Variants in CYS1 observed in about 807,000 individuals in gnomAD.
CYS1 encodes cystin 1, also known as cystin-1.
A neutral mutation model predicts 9.6 loss-of-function variants in CYS1; 5 were observed. The observed-to-expected ratio is 0.52, with a 90% CI of 0.27 to 1.10. The LOEUF (loss-of-function observed/expected upper bound fraction) is 1.10. Ranked by LOEUF, CYS1 falls within the 50% of genes least tolerant of loss-of-function variation. The pLI is 0.11. For synonymous variants in CYS1, 88 were observed against 95.7 expected (o/e 0.92, Z 0.47); for missense variants, 221 against 207.9 (o/e 1.06, Z -0.39).
At chr2:10,075,733 G>A (rs1479493488) in intron 1 of CYS1, among the ~76,000 whole-genome samples, 2 of 152,168 alleles carry the variant, frequency 1.3e-5, no homozygotes, top group Admixed American at 1.3e-4. Context: ...TCCAAAAATG[G>A]TGGATGACAG....
intron 1 of CYS1, among the ~76,000 whole-genome samples, chr2:10,074,285 T>C (rs375785532): frequency 7.9e-5 from 12 of 152,352 alleles, no homozygotes; most frequent in Admixed American, 5.2e-4. Flanking sequence ...AGGCCCATCC[T>C]GTTAATAGCA....
In CYS1 at chr2:10,056,961, C is replaced by T. The variant is rs1336307650; in HGVS notation, c.*1892G>A. On this transcript the variant is annotated 3_prime_UTR_variant, in exon 3 of 3. Coordinates refer to ENST00000381813, the MANE Select transcript of CYS1 (RefSeq NM_001037160.3). ...GTGACTTCTTAGCTTTGATGAAGTG[C>T]ATTTACTTTGACATTGATATAGCTT... 6.6e-6 allele frequency: 1 copy of T among 152,158 alleles called. No homozygotes were observed. 9.4% of individuals were successfully genotyped at this position (152,158 alleles called of 1,614,324 possible). A position where few individuals can be genotyped will look rare whatever the true frequency, so the allele number is the denominator to read the frequency against.
intron 1 of CYS1, among the ~76,000 whole-genome samples, chr2:10,068,126 C>T (rs1661720120): frequency 6.6e-6 from 1 of 152,144 alleles, no homozygotes; most frequent in African/African-American, 2.4e-5. Flanking sequence ...TAAACTTATA[C>T]CATTGATATC....
Position 10,080,209 on chromosome 2 carries a change from G to A in CYS1, c.15C>T (p.Ser5=). Residue 5 remains serine (S), a synonymous_variant, in exon 1 of 3, where the codon AGC becomes AGT. Coordinates refer to ENST00000381813, the MANE Select transcript of CYS1 (RefSeq NM_001037160.3). This position sits in a 1 kb window ranked among gnomAD's most constrained non-coding sequence, Gnocchi z 6.4. The part of the protein sequence containing the change: MGSG[S]SRSSRTLRRR... ...GCCTCAGAGTCCGGCTGCTCCGGCTGCTGCCGCTGCCCATGGCGCGCCCGC... is the reference window on the plus strand; with the variant it reads ...GCCTCAGAGTCCGGCTGCTCCGGCTACTGCCGCTGCCCATGGCGCGCCCGC... 9.4e-7 allele frequency: 1 copy of A among 1,060,838 alleles called. No homozygotes were observed. Among genetic ancestry groups the A allele is most frequent in the Non-Finnish European group, 1.1e-6 (1 of 882,452 alleles). The allele number at this position is 1,060,838 out of a possible 1,614,324, so 65.7% of individuals were successfully genotyped here.
chr2:10,078,650 AG>A (rs1432826468), intron 1 of CYS1, among the ~76,000 whole-genome samples: 2 of 152,208 alleles, frequency 1.3e-5, no homozygotes, highest in Non-Finnish European at 2.9e-5. Flanking sequence ...CCTTGGGATT[AG>A]CCGCTTTCTC....
At position 10,080,098 on chromosome 2, in the gene CYS1, C is replaced by G; in HGVS notation, c.126G>C (p.Ala42=). 5 of 1,027,358 alleles carry G rather than the reference C, an allele frequency of 4.9e-6. No individual in the cohort carries two copies. In the South Asian group the frequency reaches 2.1e-4, roughly 44 times the overall value. 63.6% of individuals were successfully genotyped at this position (1,027,358 alleles called of 1,614,324 possible). ...CCGCGGCTGCCCCCGGGACCTCGGC[C>G]GCCGCCACCGGCACCCGCCGGCGGG... ...GGTRRRVPVA[A]AEVPGAAAEE... The change falls in exon 1 of 3, where the codon GCG becomes GCC. Residue 42 remains alanine (A), a synonymous_variant. Coordinates refer to ENST00000381813, the MANE Select transcript of CYS1 (RefSeq NM_001037160.3). This position sits in a 1 kb window ranked among gnomAD's most constrained non-coding sequence, Gnocchi z 6.4.
At chr2:10,075,795 C>T (rs1035718969) in intron 1 of CYS1, among the ~76,000 whole-genome samples, 2 of 152,208 alleles carry the variant, frequency 1.3e-5, no homozygotes, top group Admixed American at 1.3e-4. Context: ...TCTTGCAAAA[C>T]AGAAAAATTC....
At chr2:10,069,349 A>T (rs1206337265) in intron 1 of CYS1, among the ~76,000 whole-genome samples, 1 of 152,144 alleles carries the variant, frequency 6.6e-6, no homozygotes, top group East Asian at 1.9e-4. Context: ...GGAGGAAAAA[A>T]AATTAATTAT....
At chr2:10,067,970 C>T (rs1205100473) in intron 1 of CYS1, among the ~76,000 whole-genome samples, 1 of 152,158 alleles carries the variant, frequency 6.6e-6, no homozygotes, top group Non-Finnish European at 1.5e-5. Flanking sequence ...AAGTTTCCAT[C>T]ACATCATGAC....
chr2:10,068,047 G>C (rs1572457266), intron 1 of CYS1, among the ~76,000 whole-genome samples: 1 of 152,158 alleles, frequency 6.6e-6, no homozygotes, highest in East Asian at 1.9e-4. Flanking sequence ...TCTCTATGCT[G>C]TGTTCTGGGT....
intron 2 of CYS1, among the ~76,000 whole-genome samples, chr2:10,065,428 A>G (rs572530017): frequency 2.6e-4 from 39 of 152,110 alleles, no homozygotes; most frequent in African/African-American, 9.4e-4. Context: ...GGGTTGGGGG[A>G]TTTTAAAGGA....
chr2:10,077,167 A>G (rs1305579352), intron 1 of CYS1, among the ~76,000 whole-genome samples: 1 of 151,946 alleles, frequency 6.6e-6, no homozygotes, highest in Non-Finnish European at 1.5e-5. Flanking sequence ...CCGCCCGCCA[A>G]CCTGGTCCAA....
At chr2:10,061,384 G>A (rs769703464) in intron 2 of CYS1, among the ~76,000 whole-genome samples, 1 of 152,230 alleles carries the variant, frequency 6.6e-6, no homozygotes, top group Non-Finnish European at 1.5e-5. Context: ...TTGGGAAGAA[G>A]AGAAATGGGC....
chr2:10,070,605 CA>C (rs1400653569), intron 1 of CYS1, among the ~76,000 whole-genome samples: 3 of 151,668 alleles, frequency 2.0e-5, no homozygotes, highest in Non-Finnish European at 4.4e-5. Flanking sequence ...TTCAGCCTCC[CA>C]AAGTGCTGGG....
chr2:10,060,467 G>A (rs553361621), intron 2 of CYS1, among the ~76,000 whole-genome samples: 4 of 152,316 alleles, frequency 2.6e-5, no homozygotes, highest in South Asian at 4.1e-4. Flanking sequence ...AGGAAGGATC[G>A]GCATCTAGCA....
At chr2:10,079,792 G>A in intron 1 of CYS1, 114 bp downstream of exon 1, 2 of 632,574 alleles carry the variant, frequency 3.2e-6, no homozygotes, top group Non-Finnish European at 4.1e-6. Context: ...GAGCACGCAA[G>A]TCGGAGGCTG....
chr2:10,066,019 T>G, intron 1 of CYS1, 63 bp from the exon 2 acceptor site: 1 of 1,588,762 alleles, frequency 6.3e-7, no homozygotes, highest in Non-Finnish European at 8.6e-7. Context: ...GCCTAAGGCT[T>G]TGGCTTTGTG....
rs1029458220 is a variant in CYS1, at chr2:10,057,328, C to A, written c.*1525G>T. ...GCCCTTGCGGGGGCCGCTCCAAGCT[C>A]TGACTTCAAAAGTTGGAGTTTCCCA... is the stretch of plus-strand genomic sequence containing the variant. On this transcript the variant is annotated 3_prime_UTR_variant, in exon 3 of 3. Transcript: ENST00000381813. 1 of 152,274 alleles carries A rather than the reference C, an allele frequency of 6.6e-6. No homozygotes were observed. Among genetic ancestry groups the A allele is most frequent in the African/African-American group, 2.4e-5 (1 of 41,472 alleles). The allele number at this position is 152,274 out of a possible 1,614,324, so 9.4% of individuals were successfully genotyped here.
intron 1 of CYS1, among the ~76,000 whole-genome samples, chr2:10,077,111 C>T (rs1661854379): frequency 6.6e-6 from 1 of 152,074 alleles, no homozygotes; most frequent in African/African-American, 2.4e-5. Context: ...TCTCACACAT[C>T]CCAGTCACCC....
Sources: allele counts gnomAD v4.1 joint callset (sites outside exome capture counted in the v4.1 genomes callset), GRCh38; gene constraint gnomAD v4.1.1; non-coding constraint Gnocchi (gnomAD v3.1); transcripts MANE v1.5; gene names NCBI Gene and HGNC (gene_info 2026-07-23, HGNC 2026-07-21).